The following RNF223 variants were observed in gnomAD, a reference collection of about 807,000 sequenced individuals.
RNF223 encodes the protein ring finger protein 223.
RNF223 carries 10 observed loss-of-function variants against 13.9 expected under a neutral mutation model. The observed-to-expected ratio is 0.72, with a 90% CI of 0.44 to 1.22. The LOEUF (loss-of-function observed/expected upper bound fraction) is 1.22. Ranked by LOEUF, RNF223 falls within the 50% of genes most tolerant of loss-of-function variation. RNF223 has a pLI of 0.00. For missense variants in RNF223, 379 were observed against 380.0 expected (o/e 1.00, Z 0.02); for synonymous variants, 168 against 173.3 (o/e 0.97, Z 0.24).
intron 1 of RNF223, 48 bp from the exon 2 acceptor site, chr1:1,072,623 G>C: frequency 1.4e-6 from 2 of 1,401,120 alleles, no homozygotes; most frequent in South Asian, 1.5e-5. Flanking sequence ...CCCCTTTCTG[G>C]TGGTGTTTTA....
rs954871481 is a variant in RNF223 at position 1,071,665 on chromosome 1, G to A, written c.*152C>T. ...GACAAGCTAAATGGAGCCTGGTCTT[G>A]GTGGGGCCCCGGTGGAGTCCTCAGA... On this transcript the variant is annotated 3_prime_UTR_variant, in exon 2 of 2. Transcript: ENST00000453464. 1.6e-6 allele frequency: 1 copy of A among 613,182 alleles called. No homozygotes were observed. Among genetic ancestry groups the A allele is most frequent in the African/African-American group, 2.0e-5 (1 of 51,192 alleles). The allele number at this position is 613,182 out of a possible 1,614,324, so 38.0% of individuals were successfully genotyped here.
In RNF223 at chr1:1,072,429, G is replaced by A. The variant is rs887075115; in HGVS notation, c.138C>T (p.Ala46=). The change falls in exon 2 of 2, where the codon GCC becomes GCT. Residue 46 remains alanine (A), a synonymous_variant. Coordinates refer to ENST00000453464, the MANE Select transcript of RNF223 (RefSeq NM_001205252.2). ...SPGTPGSERV[A]SPLECSICFS... ...AACAGATGGAGCACTCCAGGGGGGA[G>A]GCCACCCTCTCCGAGCCAGGGGTGC... The A allele has an allele frequency of 6.6e-7, 1 of 1,505,250 alleles. No homozygotes were observed. The highest frequency in any genetic ancestry group is 8.8e-7 in the Non-Finnish European group (1 of 1,133,586). The allele number at this position is 1,505,250 out of a possible 1,614,324, so 93.2% of individuals were successfully genotyped here.
chr1:1,071,016 G>C lies in RNF223; in HGVS notation c.*801C>G, dbSNP rs143642504. On this transcript the variant is annotated 3_prime_UTR_variant, in exon 2 of 2. Coordinates refer to ENST00000453464, the MANE Select transcript of RNF223 (RefSeq NM_001205252.2). ...AGGTACAATTCACAAGGTTGGAGGG[G>C]TAGCTGGAAGTTTCTGTGGTTACCT... 2.0e-5 allele frequency: 3 copies of C among 152,372 alleles called. No individual in the cohort carries two copies. The highest frequency in any genetic ancestry group is 1.9e-4 in the East Asian group (1 of 5,186). The allele number at this position is 152,372 out of a possible 1,614,324, so 9.4% of individuals were successfully genotyped here.
rs570278657 is a variant in RNF223 at position 1,073,040 on chromosome 1, C to T, written c.-9-465G>A. 9.2e-5 allele frequency among the ~76,000 whole-genome samples: 14 copies of T among 152,374 alleles called. No homozygotes were observed. The South Asian group carries it at 2.3e-3, about 25-fold the overall frequency. On this transcript the variant is annotated intron_variant, in intron 1 of 1. Coordinates refer to ENST00000453464, the MANE Select transcript of RNF223 (RefSeq NM_001205252.2). ...AAGGCCGCCCAGAGCATGGGTGACTCGGCCAGGGCCACCCCAAGGGAGCTG... is the reference window on the plus strand; with the variant it reads ...AAGGCCGCCCAGAGCATGGGTGACTTGGCCAGGGCCACCCCAAGGGAGCTG...
Position 1,072,526 on chromosome 1 carries a change from G to A in RNF223, c.41C>T (p.Pro14Leu). 6.5e-7 allele frequency: 1 copy of A among 1,532,096 alleles called. No individual in the cohort carries two copies. Among genetic ancestry groups the A allele is most frequent in the East Asian group, 2.5e-5 (1 of 40,672 alleles). The allele number at this position is 1,532,096 out of a possible 1,614,324, so 94.9% of individuals were successfully genotyped here. ...GQQVWHTAVP[P>L]PRRSSSIASM... ...GGCTATGGAGCTGCTCCGGCGAGGG[G>A]GTGGCACAGCCGTGTGCCACACCTG... Residue 14 changes from proline (P) to leucine (L), a missense_variant, in exon 2 of 2, where the codon CCC becomes CTC. By Grantham distance (98) the Pro-to-Leu change is moderately conservative (BLOSUM62 -3). Transcript: ENST00000453464.
Position 1,072,013 on chromosome 1 carries a change from GC to G in RNF223, c.553del (p.Ala185ProfsTer21), listed in dbSNP as rs1280781287. 6.3e-5 allele frequency: 95 copies of G among 1,498,768 alleles called. No individual in the cohort carries two copies. The highest frequency in any genetic ancestry group is 7.9e-5 in the Non-Finnish European group (89 of 1,131,862). The allele number at this position is 1,498,768 out of a possible 1,614,324, so 92.8% of individuals were successfully genotyped here. A position where few individuals can be genotyped will look rare whatever the true frequency, so the allele number is the denominator to read the frequency against. On this transcript the variant is annotated frameshift_variant, in exon 2 of 2. Coordinates refer to ENST00000453464, the MANE Select transcript of RNF223 (RefSeq NM_001205252.2). LOFTEE classifies it high-confidence loss of function. ...RDPAPRRGRL[A>X]RCWARCRDWR... Reference sequence around the variant, plus strand: ...GTCCCTGCAGCGCGCCCAGCAGCGGGCCAGGCGGCCCCGGCGGGGGGCAGGG... The same window carrying G: ...GTCCCTGCAGCGCGCCCAGCAGCGGGCAGGCGGCCCCGGCGGGGGGCAGGG...
rs71628928 is a variant in RNF223 at position 1,071,842 on chromosome 1, G to C, written c.725C>G (p.Pro242Arg). The stretch of plus-strand genomic sequence containing the variant: ...CTAATTATCAGTCAGAGGCCCGAGG[G>C]GGGAGGCGGCTGTGCTGGTGGCCGG... Reference protein sequence around the residue: ...RPPATSTAASPLGPLTDN With the variant: ...RPPATSTAASRLGPLTDN Residue 242 changes from proline (P) to arginine (R), a missense_variant, in exon 2 of 2, where the codon CCC becomes CGC. By Grantham distance (103) the Pro-to-Arg change is moderately radical. Transcript: ENST00000453464. 23 of 1,521,622 alleles carry C rather than the reference G, an allele frequency of 1.5e-5. No homozygotes were observed. In the Admixed American group the frequency reaches 1.6e-4, roughly 11 times the overall value. 94.3% of individuals were successfully genotyped at this position (1,521,622 alleles called of 1,614,324 possible).
At chr1:1,072,696 T>A in intron 1 of RNF223, 121 bp from the exon 2 acceptor site, 1 of 794,796 alleles carries the variant, frequency 1.3e-6, no homozygotes, top group South Asian at 1.9e-5. Context: ...TGCGCGCCAC[T>A]CCAGAAAGTT....
rs185679241 is a variant in RNF223, at chr1:1,072,712, G to A, written c.-9-137C>T. On this transcript the variant is annotated intron_variant, in intron 1 of 1. Transcript: ENST00000453464. ...GCGCGCCACTCCAGAAAGTTCCTCC[G>A]GTGCCCCTGGAGGTCATTCTGCCCC... 3.1e-3 allele frequency: 2,167 copies of A among 706,672 alleles called. 17 individuals carry two copies. Among genetic ancestry groups the A allele is most frequent in the Non-Finnish European group, 2.3e-3 (1,028 of 447,168 alleles). The allele number at this position is 706,672 out of a possible 1,614,324, so 43.8% of individuals were successfully genotyped here.
rs1645649393 is a variant in RNF223 at position 1,072,453 on chromosome 1, G to A, written c.114C>T (p.Gly38=). Residue 38 remains glycine, a synonymous_variant, in exon 2 of 2, where the codon GGC becomes GGT. Transcript: ENST00000453464. ...PSSAGSPRSP[G]TPGSERVASP... is the part of the protein sequence containing the mutation. ...AGGCCACCCTCTCCGAGCCAGGGGT[G>A]CCAGGGGACCTGGGGCTGCCGGCCG... The A allele has an allele frequency of 2.0e-6, 3 of 1,520,454 alleles. No homozygotes were observed. Among genetic ancestry groups the A allele is most frequent in the African/African-American group, 1.4e-5 (1 of 72,464 alleles). 94.2% of individuals were successfully genotyped at this position (1,520,454 alleles called of 1,614,324 possible). A position where few individuals can be genotyped will look rare whatever the true frequency, so the allele number is the denominator to read the frequency against.
chr1:1,072,217 G>A lies in RNF223; in HGVS notation c.350C>T (p.Thr117Ile). 2 of 1,491,652 alleles carry A rather than the reference G, an allele frequency of 1.3e-6. No individual in the cohort carries two copies. Among genetic ancestry groups the A allele is most frequent in the Non-Finnish European group, 1.8e-6 (2 of 1,127,300 alleles). 92.4% of individuals were successfully genotyped at this position (1,491,652 alleles called of 1,614,324 possible). ...VPPAGAPALC[T>I]SRQLQARMPA... ...CATCCGGGCCTGCAGCTGGCGGCTG[G>A]TGCACAGCGCGGGGGCTCCGGCGGG... Residue 117 changes from threonine to isoleucine, a missense_variant, in exon 2 of 2, where the codon ACC (threonine) becomes ATC (isoleucine). Transcript: ENST00000453464.
Position 1,071,737 on chromosome 1 carries a change from G to T in RNF223, c.*80C>A. ...CCTCGGGGACCGACTTCCAGTGGCT[G>T]CTGTGCCCTTGGGCCCCCCAGTGGG... is the stretch of plus-strand genomic sequence containing the variant. On this transcript the variant is annotated 3_prime_UTR_variant, in exon 2 of 2. Coordinates refer to ENST00000453464, the MANE Select transcript of RNF223 (RefSeq NM_001205252.2). The T allele has an allele frequency of 8.1e-7, 1 of 1,231,042 alleles. No individual in the cohort carries two copies. The highest frequency in any genetic ancestry group is 1.1e-6 in the Non-Finnish European group (1 of 930,882). 76.3% of individuals were successfully genotyped at this position (1,231,042 alleles called of 1,614,324 possible).
chr1:1,072,221 A>C lies in RNF223; in HGVS notation c.346T>G (p.Cys116Gly). The C allele has an allele frequency of 6.7e-7, 1 of 1,487,708 alleles. No individual in the cohort carries two copies. The highest frequency in any genetic ancestry group is 8.9e-7 in the Non-Finnish European group (1 of 1,125,658). The allele number at this position is 1,487,708 out of a possible 1,614,324, so 92.2% of individuals were successfully genotyped here. ...AVPPAGAPAL[C>G]TSRQLQARMP... ...CGGGCCTGCAGCTGGCGGCTGGTGC[A>C]CAGCGCGGGGGCTCCGGCGGGCGGC... Residue 116 changes from cysteine (C) to glycine (G), a missense_variant, in exon 2 of 2, where the codon TGC becomes GGC. By Grantham distance (159) the Cys-to-Gly change is radical. Transcript: ENST00000453464.
intron 1 of RNF223, among the ~76,000 whole-genome samples, 177 bp from the exon 2 acceptor site, chr1:1,072,752 C>T (rs1011268819): frequency 6.6e-6 from 1 of 152,198 alleles, no homozygotes; most frequent in South Asian, 2.1e-4. Context: ...GCAATCCTGT[C>T]CTCTCCACCC....
chr1:1,073,833 C>T (rs1645661935), intron 1 of RNF223, among the ~76,000 whole-genome samples, 183 bp downstream of exon 1: 1 of 152,178 alleles, frequency 6.6e-6, no homozygotes, highest in Non-Finnish European at 1.5e-5. Flanking sequence ...CTGTGACCAC[C>T]TGAGTCACAC....
chr1:1,072,174 A>G lies in RNF223; in HGVS notation c.393T>C (p.Arg131=). Reference sequence around the variant, plus strand: ...TGCCCTCCAGCCACACAGGCTCCTCACGCCGCAAATGCGCCGGCATCCGGG... The same window carrying G: ...TGCCCTCCAGCCACACAGGCTCCTCGCGCCGCAAATGCGCCGGCATCCGGG... ...LQARMPAHLR[R]EEPVWLEGTK... The change falls in exon 2 of 2, where the codon CGT becomes CGC. Residue 131 remains arginine (R), a synonymous_variant. Coordinates refer to ENST00000453464, the MANE Select transcript of RNF223 (RefSeq NM_001205252.2). 1 of 1,508,640 alleles carries G rather than the reference A, an allele frequency of 6.6e-7. No homozygotes were observed. 93.5% of individuals were successfully genotyped at this position (1,508,640 alleles called of 1,614,324 possible).
intron 1 of RNF223, among the ~76,000 whole-genome samples, chr1:1,073,263 G>A (rs867981518): frequency 1.4e-4 from 22 of 152,332 alleles, no homozygotes; most frequent in Non-Finnish European, 1.6e-4. Flanking sequence ...GCTTTGGGAC[G>A]ACAGGGAGGG....
Position 1,072,319 on chromosome 1 carries a change from G to C in RNF223, c.248C>G (p.Ala83Gly). The change falls in exon 2 of 2, where the codon GCG (alanine) becomes GGG (glycine). Residue 83 changes from alanine to glycine, a missense_variant. Physicochemically the swap from Ala to Gly is moderately conservative, Grantham distance 60. Transcript: ENST00000453464. ...VFCLECLARL[A>G]AAQPVGRPGG... ...GGGGCGGCCCACAGGCTGAGCAGCC[G>C]CCAGCCGGGCCAGGCACTCCAGGCA... 6.9e-7 allele frequency: 1 copy of C among 1,444,288 alleles called. No individual in the cohort carries two copies. Among genetic ancestry groups the C allele is most frequent in the Non-Finnish European group, 9.0e-7 (1 of 1,105,696 alleles). 89.5% of individuals were successfully genotyped at this position (1,444,288 alleles called of 1,614,324 possible).
intron 1 of RNF223, among the ~76,000 whole-genome samples, chr1:1,072,778 C>A (rs1645652264): frequency 6.6e-6 from 1 of 152,222 alleles, no homozygotes. Flanking sequence ...CATGGCTGCA[C>A]CGGGGTGAGC....
Sources: allele counts gnomAD v4.1 joint callset (sites outside exome capture counted in the v4.1 genomes callset), GRCh38; gene constraint gnomAD v4.1.1; transcripts MANE v1.5; gene names NCBI Gene and HGNC (gene_info 2026-07-23, HGNC 2026-07-21).